The following SH3RF3 variants were observed in gnomAD, a reference collection of about 807,000 sequenced individuals.
The protein encoded by SH3RF3 is E3 ubiquitin-protein ligase SH3RF3.
Under a neutral mutation model 66.3 loss-of-function variants are expected in SH3RF3, and 29 were observed. The observed-to-expected ratio is 0.44, with a 90% CI of 0.33 to 0.60. The LOEUF (loss-of-function observed/expected upper bound fraction) is 0.60. Among genes scored for constraint, SH3RF3 ranks in the 20% least tolerant of loss-of-function variants. The pLI, the probability that SH3RF3 is intolerant of heterozygous loss-of-function variation, is 0.04. For missense variants in SH3RF3, 1,194 were observed against 1,190.9 expected, an observed-to-expected ratio of 1.00 and a Z score of -0.04; for synonymous variants, 583 against 532.0, an observed-to-expected ratio of 1.10 and a Z score of -1.32.
At chr2:109,382,852 A>G (rs1271451611) in intron 3 of SH3RF3, among the ~76,000 whole-genome samples, 3 of 152,168 alleles carry the variant, frequency 2.0e-5, no homozygotes, top group African/African-American at 7.2e-5. Context: ...TGGCTGTTGG[A>G]TTATGAACCC....
chr2:109,152,440 G>A lies in SH3RF3; in HGVS notation c.573+22327G>A, dbSNP rs1377497661. The stretch of plus-strand genomic sequence containing the variant: ...TGGGCTCCGATCTCAAGTTGAGAAC[G>A]AGAGCATAATAGCCTTGTTCCGGGT... On this transcript the variant is annotated intron_variant, in intron 1 of 9. Transcript: ENST00000309415. 5.3e-5 allele frequency among the ~76,000 whole-genome samples: 8 copies of A among 152,338 alleles called. No homozygotes were observed. The East Asian group carries it at 1.3e-3, about 26-fold the overall frequency.
chr2:109,254,045 C>T (rs1233333976), intron 1 of SH3RF3, among the ~76,000 whole-genome samples: 2 of 151,948 alleles, frequency 1.3e-5, no homozygotes, highest in African/African-American at 4.8e-5. Flanking sequence ...CACATTTATC[C>T]TAGATTTGTC....
intron 8 of SH3RF3, among the ~76,000 whole-genome samples, chr2:109,453,687 A>G (rs1270894764): frequency 1.3e-5 from 2 of 152,220 alleles, no homozygotes; most frequent in African/African-American, 4.8e-5. Flanking sequence ...ATAATGATGG[A>G]AAGGTCAACC....
intron 8 of SH3RF3, among the ~76,000 whole-genome samples, chr2:109,456,361 C>T (rs1325648646): frequency 1.3e-5 from 2 of 152,228 alleles, no homozygotes; most frequent in Non-Finnish European, 2.9e-5. Flanking sequence ...TGAAAATGAA[C>T]CCATCCTGAA....
intron 1 of SH3RF3, among the ~76,000 whole-genome samples, chr2:109,211,190 T>TG (rs1047289105): frequency 6.6e-6 from 1 of 152,130 alleles, no homozygotes; most frequent in African/African-American, 2.4e-5. Context: ...TGAAAGCAGG[T>TG]GGGGGCTGCT....
In SH3RF3 at chr2:109,347,748, C is replaced by A; in HGVS notation, c.648C>A (p.Asn216Lys). The A allele has an allele frequency of 6.2e-7, 1 of 1,613,966 alleles. No homozygotes were observed. The change falls in exon 2 of 10, where the codon AAC becomes AAA. Residue 216 changes from asparagine (N) to lysine (K), a missense_variant. Transcript: ENST00000309415. Reference protein sequence around the residue: ...EGKEPGDLKFNKGDIIVLRRK... With the variant: ...EGKEPGDLKFKKGDIIVLRRK... ...AGGAACCTGGTGACCTCAAGTTCAA[C>A]AAGGGGGACATCATCGTCCTGCGGC...
chr2:109,284,219 G>A lies in SH3RF3; in HGVS notation c.574-63455G>A, dbSNP rs1301112724. Among the ~76,000 whole-genome samples the A allele has an allele frequency of 1.9e-4, 29 of 152,182 alleles. 1 individual carries two copies. On this transcript the variant is annotated intron_variant, in intron 1 of 9. Transcript: ENST00000309415. ...TTTCTCAAGTGTGGTGTGACCCTCA[G>A]GAATTTCTTTTTGGTGATCTTGTCA...
intron 1 of SH3RF3, among the ~76,000 whole-genome samples, chr2:109,174,044 G>A (rs1677862723): frequency 6.6e-6 from 1 of 152,240 alleles, no homozygotes; most frequent in Admixed American, 6.5e-5. Context: ...CAGCAGTGCG[G>A]TTTGGTGGCT....
At chr2:109,383,506 C>T (rs1409554958) in intron 3 of SH3RF3, among the ~76,000 whole-genome samples, 3 of 152,162 alleles carry the variant, frequency 2.0e-5, no homozygotes, top group African/African-American at 7.2e-5. Context: ...TCCATGGTAC[C>T]TTCTGTTAAT....
At chr2:109,157,526 CATT>C (rs1677375958) in intron 1 of SH3RF3, among the ~76,000 whole-genome samples, 1 of 152,158 alleles carries the variant, frequency 6.6e-6, no homozygotes, top group Non-Finnish European at 1.5e-5. Context: ...GAGATAATCT[CATT>C]GGGTCTTCAA....
intron 8 of SH3RF3, among the ~76,000 whole-genome samples, chr2:109,466,360 C>T (rs908979036): frequency 3.9e-5 from 6 of 152,092 alleles, no homozygotes; most frequent in Middle Eastern, 3.2e-3. Flanking sequence ...GGATTATAGG[C>T]GTGAGTCCTG....
At chr2:109,402,439 C>T (rs1676340635) in intron 4 of SH3RF3, among the ~76,000 whole-genome samples, 1 of 152,240 alleles carries the variant, frequency 6.6e-6, no homozygotes, top group Admixed American at 6.5e-5. Context: ...ATTGCTGTGT[C>T]ATGGGCTCAT....
intron 1 of SH3RF3, among the ~76,000 whole-genome samples, chr2:109,156,090 A>C (rs1282980424): frequency 6.6e-6 from 1 of 152,154 alleles, no homozygotes; most frequent in African/African-American, 2.4e-5. Context: ...TTTGGCTGCC[A>C]CTTTGCAGGA....
intron 5 of SH3RF3, 61 bp from the exon 6 acceptor site, chr2:109,432,440 C>G: frequency 6.3e-7 from 1 of 1,588,728 alleles, no homozygotes; most frequent in Middle Eastern, 1.7e-4. Flanking sequence ...CCAGGAATGC[C>G]GGCCGGTCCC....
intron 1 of SH3RF3, among the ~76,000 whole-genome samples, chr2:109,317,635 A>G (rs1681919359): frequency 6.6e-6 from 1 of 152,170 alleles, no homozygotes; most frequent in African/African-American, 2.4e-5. Context: ...GGCCTGGAAA[A>G]AGAGAACTGG....
Position 109,433,114 on chromosome 2 carries a change from C to T in SH3RF3, c.1574+443C>T, listed in dbSNP as rs566287532. 2.4e-3 allele frequency among the ~76,000 whole-genome samples: 371 copies of T among 152,310 alleles called. 2 individuals are homozygous for T. The highest frequency in any genetic ancestry group is 4.0e-3 in the Non-Finnish European group (275 of 68,030). On this transcript the variant is annotated intron_variant, in intron 6 of 9. Coordinates refer to ENST00000309415, the MANE Select transcript of SH3RF3 (RefSeq NM_001099289.3). ...TATGTGCAGTGTGCGTGCCTGTGCA[C>T]GTGCGTATGCATACTGTAAGCACAA...
chr2:109,211,468 A>T lies in SH3RF3; in HGVS notation c.573+81355A>T, dbSNP rs554207837. On this transcript the variant is annotated intron_variant, in intron 1 of 9. Coordinates refer to ENST00000309415, the MANE Select transcript of SH3RF3 (RefSeq NM_001099289.3). ...AGGAGTAGGGGCCGTGTCTGAGAAG[A>T]ATGCAGATGGGCGCAACTGCGGTGG... Among the ~76,000 whole-genome samples, 4 of 152,268 alleles carry T rather than the reference A, an allele frequency of 2.6e-5. No individual in the cohort carries two copies. In the South Asian group the frequency reaches 8.3e-4, roughly 32 times the overall value.
intron 1 of SH3RF3, among the ~76,000 whole-genome samples, chr2:109,205,351 G>A (rs188114022): frequency 3.3e-5 from 5 of 150,870 alleles, no homozygotes; most frequent in African/African-American, 4.9e-5. Context: ...TTCTCCTGCC[G>A]CAGCCTTCTG....
At position 109,455,805 on chromosome 2, in the gene SH3RF3, C is replaced by CA. The variant is rs1261584966; in HGVS notation, c.2148+6317dup. On this transcript the variant is annotated intron_variant, in intron 8 of 9. Transcript: ENST00000309415. ...CTCATCCCAGCTTCTCCAGGTTTAC[C>CA]AGTGCCATTCACTTCCGAAGTGACA... 2.6e-5 allele frequency among the ~76,000 whole-genome samples: 4 copies of CA among 152,210 alleles called. No individual in the cohort carries two copies. In the East Asian group the frequency reaches 7.7e-4, roughly 29 times the overall value.
Sources: allele counts gnomAD v4.1 joint callset (sites outside exome capture counted in the v4.1 genomes callset), GRCh38; gene constraint gnomAD v4.1.1; transcripts MANE v1.5; gene names NCBI Gene and HGNC (gene_info 2026-07-23, HGNC 2026-07-21).